Variants in ANKIB1 observed in about 807,000 individuals in gnomAD.
ANKIB1 encodes ankyrin repeat and IBR domain containing 1.
ANKIB1 carries 43 observed loss-of-function variants against 122.1 expected under a neutral mutation model. The observed-to-expected ratio is 0.35, with a 90% CI of 0.28 to 0.45. ANKIB1 has a LOEUF of 0.45. Ranked by LOEUF, ANKIB1 falls within the 20% of genes least tolerant of loss-of-function variation. The pLI, the probability that ANKIB1 is intolerant of heterozygous loss-of-function variation, is 1.00. For missense variants in ANKIB1, 992 were observed against 1,329.5 expected, an observed-to-expected ratio of 0.75 and a Z score of 3.95; for synonymous variants, 390 against 442.0, an observed-to-expected ratio of 0.88 and a Z score of 1.48.
chr7:92,287,642 A>G (rs962656314), intron 1 of ANKIB1, among the ~76,000 whole-genome samples: 11 of 152,144 alleles, frequency 7.2e-5, no homozygotes, highest in Non-Finnish European at 1.5e-4. Context: ...CGTCCATGCA[A>G]ATATCATGTT....
intron 1 of ANKIB1, among the ~76,000 whole-genome samples, chr7:92,291,315 A>C (rs1585091286): frequency 6.6e-6 from 1 of 151,824 alleles, no homozygotes; most frequent in East Asian, 1.9e-4. Context: ...AAAAGAGTAT[A>C]ATTGGTTTGT....
At position 92,294,827 on chromosome 7, in the gene ANKIB1, GTTATTGTTTCTTTTGTGA is replaced by G. The variant is rs1250290263; in HGVS notation, c.-90-52_-90-35del. The G allele has an allele frequency of 8.7e-6, 5 of 576,416 alleles. No individual in the cohort carries two copies. In the African/African-American group the frequency reaches 9.5e-5, roughly 11 times the overall value. The allele number at this position is 576,416 out of a possible 1,614,324, so 35.7% of individuals were successfully genotyped here. Reference sequence around the variant, plus strand: ...GATTTTTTTTAGTGTTCCTAATTGTGTTATTGTTTCTTTTGTGATTATTGTTTTACAATCTAATTTGAA... The same window carrying G: ...GATTTTTTTTAGTGTTCCTAATTGTGTTATTGTTTTACAATCTAATTTGAA... On this transcript the variant is annotated intron_variant, in intron 1 of 19. Coordinates refer to ENST00000265742, the MANE Select transcript of ANKIB1 (RefSeq NM_019004.2).
chr7:92,261,454 C>G (rs1159124363), intron 1 of ANKIB1, among the ~76,000 whole-genome samples: 1 of 151,288 alleles, frequency 6.6e-6, no homozygotes. Context: ...TGGCATAAAT[C>G]CTTTCATTCT....
At chr7:92,345,934 A>G (rs1016436795) in intron 7 of ANKIB1, among the ~76,000 whole-genome samples, 10 of 152,160 alleles carry the variant, frequency 6.6e-5, no homozygotes, top group African/African-American at 2.2e-4. Flanking sequence ...GTTGACATAC[A>G]TAAAGCCACA....
chr7:92,270,061 T>G (rs1004393230), intron 1 of ANKIB1, among the ~76,000 whole-genome samples: 1 of 151,856 alleles, frequency 6.6e-6, no homozygotes, highest in African/African-American at 2.4e-5. Flanking sequence ...TTCTGGTCTT[T>G]TAAAAAAAAT....
At chr7:92,279,429 C>G (rs976707902) in intron 1 of ANKIB1, among the ~76,000 whole-genome samples, 1 of 152,218 alleles carries the variant, frequency 6.6e-6, no homozygotes, top group Non-Finnish European at 1.5e-5. Context: ...TAGAGTCGAT[C>G]AGCAGCTCAA....
At chr7:92,302,825 A>G (rs1250108183) in intron 2 of ANKIB1, among the ~76,000 whole-genome samples, 1 of 151,478 alleles carries the variant, frequency 6.6e-6, no homozygotes, top group African/African-American at 2.4e-5. Context: ...TCCTCTCCCA[A>G]CCCCCCTTAT....
At chr7:92,390,829 A>G (rs192282830) in intron 15 of ANKIB1, among the ~76,000 whole-genome samples, 55 of 152,314 alleles carry the variant, frequency 3.6e-4, no homozygotes, top group African/African-American at 1.3e-3. Context: ...ATTGAAATGT[A>G]TTAGTTTTTT....
chr7:92,259,304 T>A (rs1332675457), intron 1 of ANKIB1, among the ~76,000 whole-genome samples: 1 of 152,174 alleles, frequency 6.6e-6, no homozygotes, highest in African/African-American at 2.4e-5. Context: ...ACGTGCCAGG[T>A]CGTAACCTAA....
At chr7:92,246,858 A>G (rs1195267265) in intron 1 of ANKIB1, among the ~76,000 whole-genome samples, 2 of 152,080 alleles carry the variant, frequency 1.3e-5, no homozygotes, top group Non-Finnish European at 2.9e-5. Flanking sequence ...GTGGAAAGCC[A>G]CGGGTTCTGC....
chr7:92,302,666 A>G (rs1158519628), intron 2 of ANKIB1, among the ~76,000 whole-genome samples: 1 of 152,230 alleles, frequency 6.6e-6, no homozygotes, highest in African/African-American at 2.4e-5. Flanking sequence ...AATATTTATT[A>G]GAGCCTGTCT....
intron 5 of ANKIB1, among the ~76,000 whole-genome samples, chr7:92,339,703 T>A (rs540594210): frequency 6.6e-6 from 1 of 152,336 alleles, no homozygotes; most frequent in South Asian, 2.1e-4. Flanking sequence ...CACAGTTCTT[T>A]TAATTTTCTC....
intron 2 of ANKIB1, among the ~76,000 whole-genome samples, chr7:92,305,657 C>G (rs1472291786): frequency 1.3e-5 from 2 of 152,104 alleles, no homozygotes; most frequent in Non-Finnish European, 2.9e-5. Flanking sequence ...CTTAAGTGGC[C>G]TGAATCAGTT....
At chr7:92,380,411 G>A (rs1300113232) in intron 11 of ANKIB1, among the ~76,000 whole-genome samples, 1 of 152,168 alleles carries the variant, frequency 6.6e-6, no homozygotes, top group African/African-American at 2.4e-5. Context: ...TGAGCTCTGA[G>A]AACGGACAGA....
At chr7:92,298,139 T>C (rs911355305) in intron 2 of ANKIB1, among the ~76,000 whole-genome samples, 2 of 152,104 alleles carry the variant, frequency 1.3e-5, no homozygotes, top group Non-Finnish European at 2.9e-5. Context: ...TCATCTCTAC[T>C]AGAATGTAAA....
chr7:92,275,290 G>T (rs1396397181), intron 1 of ANKIB1, among the ~76,000 whole-genome samples: 1 of 152,002 alleles, frequency 6.6e-6, no homozygotes. Flanking sequence ...TGTATACTGG[G>T]GAGTATGACA....
chr7:92,342,223 T>G (rs2131974920), intron 5 of ANKIB1, among the ~76,000 whole-genome samples: 1 of 152,314 alleles, frequency 6.6e-6, no homozygotes, highest in Admixed American at 6.5e-5. Context: ...CAAATCTCTG[T>G]GTGAGCTTGG....
At chr7:92,358,009 G>A (rs11975525) in intron 9 of ANKIB1, among the ~76,000 whole-genome samples, 22,189 of 152,070 alleles carry the variant, frequency 0.15, 1,989 homozygotes, top group East Asian at 0.37. Flanking sequence ...TTGGGAGGCC[G>A]AGGCGGGCAT....
At chr7:92,253,411 C>A (rs1429222082) in intron 1 of ANKIB1, among the ~76,000 whole-genome samples, 1 of 152,206 alleles carries the variant, frequency 6.6e-6, no homozygotes, top group Admixed American at 6.5e-5. Context: ...CTTCACTGGG[C>A]CTATGACTCT....
Sources: gnomAD v4.1 joint callset for allele counts (sites outside exome capture counted in the v4.1 genomes callset) on GRCh38, gnomAD v4.1.1 for gene constraint, MANE v1.5 for transcripts, NCBI Gene and HGNC (gene_info 2026-07-23, HGNC 2026-07-21) for gene names.